Variants in CUL3 observed in about 807,000 individuals in gnomAD.
The protein encoded by CUL3 is cullin 3.
CUL3 carries 19 observed loss-of-function variants against 89.1 expected under a neutral mutation model. The observed-to-expected ratio is 0.21, with a 90% CI of 0.15 to 0.31. CUL3 has a LOEUF of 0.31. CUL3 is among the 10% of genes least tolerant of loss of function. CUL3 has a pLI of 1.00. For missense variants in CUL3, 469 were observed against 942.3 expected (o/e 0.50, Z 6.58); for synonymous variants, 351 against 308.4 (o/e 1.14, Z -1.45).
intron 6 of CUL3, 83 bp downstream of exon 6, chr2:224,511,271 A>G (rs554022104): frequency 1.0e-6 from 1 of 961,262 alleles, no homozygotes; most frequent in Middle Eastern, 2.3e-4. Context: ...AGCTGATATT[A>G]TCTGCTTTAA....
intron 2 of CUL3, among the ~76,000 whole-genome samples, chr2:224,554,769 A>G (rs1433240037): frequency 1.3e-5 from 2 of 152,222 alleles, no homozygotes; most frequent in South Asian, 2.1e-4. Flanking sequence ...CTGACGAATG[A>G]GAACATGCCC....
chr2:224,585,361 C>G lies in CUL3; in HGVS notation c.-352G>C, dbSNP rs1695562581. The G allele has an allele frequency of 4.4e-5, 17 of 388,488 alleles. No homozygotes were observed. Among genetic ancestry groups the G allele is most frequent in the Non-Finnish European group, 1.4e-5 (3 of 219,998 alleles). The allele number at this position is 388,488 out of a possible 1,614,324, so 24.1% of individuals were successfully genotyped here. A position where few individuals can be genotyped will look rare whatever the true frequency, so the allele number is the denominator to read the frequency against. On this transcript the variant is annotated 5_prime_UTR_variant, in exon 1 of 16. Transcript: ENST00000264414. The stretch of plus-strand genomic sequence containing the variant: ...CTCACTGCGCAGGCCGAACGTCGTC[C>G]TCCTCCTCCTCCTTCTCCTCCTCCG...
intron 3 of CUL3, among the ~76,000 whole-genome samples, chr2:224,526,585 CAAAAAAAAAAA>C (rs1166152595): frequency 7.6e-5 from 2 of 26,166 alleles, no homozygotes; most frequent in East Asian, 8.3e-4. Context: ...GACTCCGTCT[CAAAAAAAAAAA>C]AAAAAAAAAA....
At position 224,473,122 on chromosome 2, in the gene CUL3, T is replaced by C. The variant is rs143366779; in HGVS notation, c.*1123A>G. 4.9e-6 allele frequency: 1 copy of C among 204,078 alleles called. No individual in the cohort carries two copies. The highest frequency in any genetic ancestry group is 1.0e-5 in the Non-Finnish European group (1 of 99,244). 12.6% of individuals were successfully genotyped at this position (204,078 alleles called of 1,614,324 possible). A position where few individuals can be genotyped will look rare whatever the true frequency, so the allele number is the denominator to read the frequency against. ...AGGACAATAGCTAAATATCCAAGAA[T>C]CATCAGGTTTGAGAAATATTGCTTA... On this transcript the variant is annotated 3_prime_UTR_variant, in exon 16 of 16. Transcript: ENST00000264414.
At chr2:224,555,869 C>T (rs1466721380) in intron 2 of CUL3, among the ~76,000 whole-genome samples, 3 of 152,174 alleles carry the variant, frequency 2.0e-5, no homozygotes, top group Non-Finnish European at 4.4e-5. Flanking sequence ...ACTCACTTGC[C>T]ACTTAATTAT....
In CUL3 at chr2:224,514,744, A is replaced by C; in HGVS notation, c.407T>G (p.Val136Gly). 1.2e-6 allele frequency: 2 copies of C among 1,613,058 alleles called. No individual in the cohort carries two copies. Among genetic ancestry groups the C allele is most frequent in the Non-Finnish European group, 1.7e-6 (2 of 1,179,182 alleles). Residue 136 changes from valine (V) to glycine (G), a missense_variant, in exon 4 of 16, where the codon GTG becomes GGG. By Grantham distance (109) the Val-to-Gly change is moderately radical. Coordinates refer to ENST00000264414, the MANE Select transcript of CUL3 (RefSeq NM_003590.5). ...MDRVYVQQNN[V>G]ENVYNLGLII... The stretch of plus-strand genomic sequence containing the variant: ...TAATCCCAAATTGTAGACGTTCTCC[A>C]CATTATTTTGTTGTACATACACACG...
At chr2:224,583,302 G>T (rs544443291) in intron 1 of CUL3, among the ~76,000 whole-genome samples, 5 of 152,108 alleles carry the variant, frequency 3.3e-5, no homozygotes, top group African/African-American at 1.2e-4. Context: ...CGGAGGTTGC[G>T]GTTAGCTGAG....
intron 1 of CUL3, among the ~76,000 whole-genome samples, chr2:224,581,631 C>A: frequency 6.7e-6 from 1 of 150,372 alleles, no homozygotes; most frequent in South Asian, 2.1e-4. Flanking sequence ...GCCTCCCGAG[C>A]AGCTGGAATT....
At position 224,543,539 on chromosome 2, in the gene CUL3, G is replaced by A. The variant is rs370208445; in HGVS notation, c.265-7898C>T. Among the ~76,000 whole-genome samples, 321 of 152,238 alleles carry A rather than the reference G, an allele frequency of 2.1e-3. 4 individuals carry two copies. Among genetic ancestry groups the A allele is most frequent in the African/African-American group, 6.9e-3 (288 of 41,536 alleles). On this transcript the variant is annotated intron_variant, in intron 2 of 15. Coordinates refer to ENST00000264414, the MANE Select transcript of CUL3 (RefSeq NM_003590.5). ...TATCCAAAACACTTGGAGGCCACTC[G>A]TGTTTCAGATTTTTGATTTTTTCAG... is the stretch of plus-strand genomic sequence containing the variant.
chr2:224,584,779 C>T (rs1434295715), intron 1 of CUL3, among the ~76,000 whole-genome samples, 165 bp downstream of exon 1: 1 of 146,216 alleles, frequency 6.8e-6, no homozygotes, highest in Non-Finnish European at 1.5e-5. Context: ...CGCGCCGGGG[C>T]CCCGCGCCGC....
chr2:224,497,980 A>C (rs1692229092), intron 11 of CUL3, 131 bp from the exon 12 acceptor site: 1 of 672,382 alleles, frequency 1.5e-6, no homozygotes, highest in African/African-American at 1.8e-5. Context: ...ACTTAAAGGA[A>C]ACTTTAGGAA....
rs2106197791 is a variant in CUL3, at chr2:224,503,835, G to A, written c.1207-13C>T. 6.6e-7 allele frequency: 1 copy of A among 1,523,716 alleles called. No homozygotes were observed. The highest frequency in any genetic ancestry group is 2.3e-5 in the East Asian group (1 of 43,524). 94.4% of individuals were successfully genotyped at this position (1,523,716 alleles called of 1,614,324 possible). On this transcript the variant is annotated splice_polypyrimidine_tract_variant and intron_variant, in intron 8 of 15. Transcript: ENST00000264414. ...CTTGTTCTGTTAGCTGCAAAATTAA[G>A]ATGATGTAACAATTATACAATTTTA...
At chr2:224,526,585 C>CAAAAAAAAA (rs1166152595) in intron 3 of CUL3, among the ~76,000 whole-genome samples, 2 of 26,160 alleles carry the variant, frequency 7.6e-5, no homozygotes, top group Non-Finnish European at 2.3e-4. Flanking sequence ...GACTCCGTCT[C>CAAAAAAAAA]AAAAAAAAAA....
At chr2:224,502,928 C>A in intron 10 of CUL3, 37 bp downstream of exon 10, 1 of 1,443,550 alleles carries the variant, frequency 6.9e-7, no homozygotes, top group Non-Finnish European at 9.7e-7. Flanking sequence ...AAAGACTTTA[C>A]ATGAATATCT....
chr2:224,491,743 T>C (rs1408724875), intron 13 of CUL3, among the ~76,000 whole-genome samples: 1 of 152,190 alleles, frequency 6.6e-6, no homozygotes, highest in Non-Finnish European at 1.5e-5. Context: ...CATTCTAAGG[T>C]GGCGATGAGT....
At chr2:224,569,282 T>C (rs1284922690) in intron 1 of CUL3, among the ~76,000 whole-genome samples, 1 of 152,146 alleles carries the variant, frequency 6.6e-6, no homozygotes, top group South Asian at 2.1e-4. Flanking sequence ...TACACAAACA[T>C]GTAATATTTG....
chr2:224,574,256 G>C (rs1397735920), intron 1 of CUL3, among the ~76,000 whole-genome samples: 1 of 152,082 alleles, frequency 6.6e-6, no homozygotes, highest in African/African-American at 2.4e-5. Context: ...CTTTCTCAAT[G>C]ATTACAAGTA....
rs3820762 is a variant in CUL3 at position 224,498,081 on chromosome 2, A to G, written c.1611-232T>C. Among the ~76,000 whole-genome samples the G allele has an allele frequency of 0.18, 28,086 of 152,022 alleles. 2,950 individuals are homozygous for G. Among genetic ancestry groups the G allele is most frequent in the South Asian group, 0.27 (1,300 of 4,814 alleles). On this transcript the variant is annotated intron_variant, in intron 11 of 15. Transcript: ENST00000264414. ...TTAAATGACAAAGGCCCCACACTAA[A>G]TAATTTCTACTGTACACTCTGCCCC... is the stretch of plus-strand genomic sequence containing the variant.
chr2:224,535,711 T>A lies in CUL3; in HGVS notation c.265-70A>T, dbSNP rs1693874467. Reference sequence around the variant, plus strand: ...ACTCGTATATACAGGCATGCACATATCTGTTTAATAAAATAATGAAGTGGA... The same window carrying A: ...ACTCGTATATACAGGCATGCACATAACTGTTTAATAAAATAATGAAGTGGA... On this transcript the variant is annotated intron_variant, in intron 2 of 15. Coordinates refer to ENST00000264414, the MANE Select transcript of CUL3 (RefSeq NM_003590.5). 4.6e-6 allele frequency: 4 copies of A among 862,698 alleles called. No individual in the cohort carries two copies. The Admixed American group carries it at 8.2e-5, about 18-fold the overall frequency. 53.4% of individuals were successfully genotyped at this position (862,698 alleles called of 1,614,324 possible). A position where few individuals can be genotyped will look rare whatever the true frequency, so the allele number is the denominator to read the frequency against.
Sources: gnomAD v4.1 joint callset for allele counts (sites outside exome capture counted in the v4.1 genomes callset) on GRCh38, gnomAD v4.1.1 for gene constraint, MANE v1.5 for transcripts, NCBI Gene and HGNC (gene_info 2026-07-23, HGNC 2026-07-21) for gene names.